CREBBP: variants seen among roughly 807,000 people sequenced by gnomAD.
CREBBP encodes the protein CREB binding lysine acetyltransferase, also known as CREB-binding protein.
Under a neutral mutation model 265.0 loss-of-function variants are expected in CREBBP, and 19 were observed. The ratio of observed to expected loss-of-function variants is 0.07; its 90% CI spans 0.05 to 0.11. CREBBP has a LOEUF of 0.11. Among genes scored for constraint, CREBBP ranks in the 10% least tolerant of loss-of-function variants. CREBBP has a pLI of 1.00. For missense variants in CREBBP, 2,525 were observed against 3,219.0 expected (o/e 0.78, Z 5.22); for synonymous variants, 1,457 against 1,223.7 (o/e 1.19, Z -3.98).
chr16:3,763,506 G>A (rs377652042), intron 16 of CREBBP, among the ~76,000 whole-genome samples: 1 of 152,148 alleles, frequency 6.6e-6, no homozygotes, highest in Non-Finnish European at 1.5e-5. Flanking sequence ...TGTTGCCCAG[G>A]CTGGAGTGCA....
At chr16:3,834,463 G>A (rs1403315945) in intron 2 of CREBBP, among the ~76,000 whole-genome samples, 1 of 152,270 alleles carries the variant, frequency 6.6e-6, no homozygotes, top group East Asian at 1.9e-4. Flanking sequence ...CACACTGTGT[G>A]ACTGTAACTT....
At chr16:3,849,700 C>G (rs1173058989) in intron 2 of CREBBP, among the ~76,000 whole-genome samples, 1 of 151,456 alleles carries the variant, frequency 6.6e-6, no homozygotes, top group African/African-American at 2.4e-5. Context: ...AAGCCCAGGC[C>G]CCACGCCGAG....
intron 1 of CREBBP, among the ~76,000 whole-genome samples, chr16:3,859,796 G>A (rs181144052): frequency 6.1e-4 from 93 of 152,248 alleles, no homozygotes; most frequent in Non-Finnish European, 1.2e-3. Context: ...CACCTGGACG[G>A]GGCAAAAAGG....
At chr16:3,730,750 G>A (rs551007209) in intron 30 of CREBBP, among the ~76,000 whole-genome samples, 75 of 152,302 alleles carry the variant, frequency 4.9e-4, no homozygotes, top group African/African-American at 1.6e-3. Context: ...TCACCTGCCT[G>A]CCCTGCACAG....
At chr16:3,876,861 A>G (rs1349095452) in intron 1 of CREBBP, among the ~76,000 whole-genome samples, 1 of 152,188 alleles carries the variant, frequency 6.6e-6, no homozygotes, top group African/African-American at 2.4e-5. Flanking sequence ...AGTGACATTC[A>G]TCACTCTGAG....
intron 1 of CREBBP, among the ~76,000 whole-genome samples, chr16:3,859,253 C>A (rs2055024441): frequency 6.6e-6 from 1 of 151,846 alleles, no homozygotes; most frequent in African/African-American, 2.4e-5. Context: ...AGTGCAGTGG[C>A]ACGATCTTGG....
intron 2 of CREBBP, among the ~76,000 whole-genome samples, chr16:3,848,574 T>TA (rs1229811442): frequency 2.0e-5 from 3 of 152,186 alleles, no homozygotes; most frequent in Admixed American, 2.0e-4. Flanking sequence ...CTGCACATGT[T>TA]AAAGAAATCT....
chr16:3,792,188 A>G (rs903143378), intron 4 of CREBBP, 94 bp from the exon 5 acceptor site: 28 of 1,084,304 alleles, frequency 2.6e-5, no homozygotes, highest in Non-Finnish European at 3.8e-5. Flanking sequence ...CCATAAGAAA[A>G]TGGTAACAAG....
intron 2 of CREBBP, among the ~76,000 whole-genome samples, chr16:3,822,537 G>A (rs149929017): frequency 3.1e-4 from 47 of 152,258 alleles, no homozygotes; most frequent in Admixed American, 2.0e-4. Context: ...AGAACAGCTC[G>A]TGGGATGAGC....
Position 3,731,402 on chromosome 16 carries a change from G to A in CREBBP, c.4962C>T (p.Pro1654=). The change falls in exon 30 of 31, where the codon CCC becomes CCT. Residue 1654 remains proline, a synonymous_variant. Transcript: ENST00000262367. The surrounding 1 kb of genome is among the most constrained non-coding windows in gnomAD (Gnocchi z 7.7). ...NTLPPIVDPD[P]LLSCDLMDGR... The stretch of plus-strand genomic sequence containing the variant: ...CATCCATGAGGTCACAGCTGAGCAG[G>A]GGGTCGGGGTCGACGATGGGGGGCA... 6.2e-7 allele frequency: 1 copy of A among 1,609,040 alleles called. No homozygotes were observed.
chr16:3,829,119 G>A (rs906375480), intron 2 of CREBBP, among the ~76,000 whole-genome samples: 1 of 151,842 alleles, frequency 6.6e-6, no homozygotes, highest in African/African-American at 2.4e-5. Context: ...CTTGGTGACA[G>A]ATGGACAGCA....
intron 2 of CREBBP, among the ~76,000 whole-genome samples, chr16:3,811,409 G>C (rs1376430225): frequency 1.3e-5 from 2 of 152,154 alleles, no homozygotes; most frequent in African/African-American, 2.4e-5. Flanking sequence ...TCCTCAACGT[G>C]AAGACAATGA....
chr16:3,740,132 C>T (rs533477853), intron 24 of CREBBP, among the ~76,000 whole-genome samples: 2 of 152,240 alleles, frequency 1.3e-5, no homozygotes, highest in Admixed American at 1.3e-4. Flanking sequence ...AAGAGATTAA[C>T]AAGAATAAGT....
intron 1 of CREBBP, among the ~76,000 whole-genome samples, chr16:3,874,497 C>A (rs1024049431): frequency 2.0e-5 from 3 of 152,218 alleles, no homozygotes; most frequent in African/African-American, 7.2e-5. Flanking sequence ...TACTGGAACA[C>A]AGCCAGGCCC....
intron 11 of CREBBP, 76 bp from the exon 12 acceptor site, chr16:3,774,769 CTT>C (rs1183612725): frequency 1.9e-6 from 3 of 1,584,574 alleles, no homozygotes; most frequent in African/African-American, 2.7e-5. Flanking sequence ...TAAATAAACT[CTT>C]AAGTAAAATA....
At chr16:3,762,596 G>A (rs972729772) in intron 16 of CREBBP, among the ~76,000 whole-genome samples, 2 of 152,052 alleles carry the variant, frequency 1.3e-5, no homozygotes, top group African/African-American at 4.8e-5. Context: ...CCTCTGGCCC[G>A]AGGACCTGCT....
chr16:3,771,282 T>A (rs2053002127), intron 13 of CREBBP, among the ~76,000 whole-genome samples: 1 of 152,134 alleles, frequency 6.6e-6, no homozygotes, highest in South Asian at 2.1e-4. Flanking sequence ...TTGTCCAGGC[T>A]GGTCTCAAAC....
In CREBBP at chr16:3,836,382, C is replaced by T. The variant is rs148252509; in HGVS notation, c.798+13915G>A. ...CCATGAGGTGGAGGTTGCAGTGAGCCGAGATTGCGCCAGTACACTCCAGCC... is the reference window on the plus strand; with the variant it reads ...CCATGAGGTGGAGGTTGCAGTGAGCTGAGATTGCGCCAGTACACTCCAGCC... On this transcript the variant is annotated intron_variant, in intron 2 of 30. Coordinates refer to ENST00000262367, the MANE Select transcript of CREBBP (RefSeq NM_004380.3). 9.8e-3 allele frequency among the ~76,000 whole-genome samples: 1,423 copies of T among 144,884 alleles called. 27 individuals carry two copies. Among genetic ancestry groups the T allele is most frequent in the African/African-American group, 0.035 (1,350 of 38,492 alleles).
intron 3 of CREBBP, among the ~76,000 whole-genome samples, chr16:3,795,971 G>C (rs1049341288): frequency 6.6e-6 from 1 of 152,042 alleles, no homozygotes; most frequent in African/African-American, 2.4e-5. Flanking sequence ...TTTTAGAGCT[G>C]GTGTTCACAA....
Sources: gnomAD v4.1 joint callset for allele counts (sites outside exome capture counted in the v4.1 genomes callset) on GRCh38, gnomAD v4.1.1 for gene constraint, Gnocchi (gnomAD v3.1) non-coding constraint, MANE v1.5 for transcripts, NCBI Gene and HGNC (gene_info 2026-07-23, HGNC 2026-07-21) for gene names.